The following BRWD1 variants were observed in gnomAD, a reference collection of about 807,000 sequenced individuals.
BRWD1 encodes bromodomain and WD repeat domain containing 1, also known as bromodomain and WD repeat-containing protein 1.
BRWD1 carries 82 observed loss-of-function variants against 251.2 expected under a neutral mutation model. That is an observed-to-expected ratio of 0.33 (90% CI 0.27 to 0.39). BRWD1 has a LOEUF of 0.39. Ranked by LOEUF, BRWD1 falls within the 10% of genes least tolerant of loss-of-function variation. BRWD1 has a pLI of 1.00. For synonymous variants in BRWD1, 918 were observed against 902.8 expected, an observed-to-expected ratio of 1.02 and a Z score of -0.30; for missense variants, 2,233 against 2,711.6, an observed-to-expected ratio of 0.82 and a Z score of 3.92.
chr21:39,269,027 A>G (rs1213505665), intron 15 of BRWD1, among the ~76,000 whole-genome samples: 1 of 152,040 alleles, frequency 6.6e-6, no homozygotes, highest in Non-Finnish European at 1.5e-5. Flanking sequence ...AGAAACCTAG[A>G]AAGATACAAC....
At chr21:39,277,558 T>G (rs1227294326) in intron 10 of BRWD1, among the ~76,000 whole-genome samples, 3 of 152,132 alleles carry the variant, frequency 2.0e-5, no homozygotes, top group African/African-American at 7.2e-5. Flanking sequence ...CTGGAAACAT[T>G]CACAATCTCC....
At chr21:39,205,212 G>A (rs1384203951) in intron 37 of BRWD1, among the ~76,000 whole-genome samples, 1 of 151,748 alleles carries the variant, frequency 6.6e-6, no homozygotes, top group African/African-American at 2.4e-5. Context: ...AGTGGCTCAC[G>A]CCTGTAATCC....
In BRWD1 at chr21:39,313,539, G is replaced by T; in HGVS notation, c.-48C>A. 7.6e-7 allele frequency: 1 copy of T among 1,314,786 alleles called. No homozygotes were observed. Among genetic ancestry groups the T allele is most frequent in the Non-Finnish European group, 9.6e-7 (1 of 1,038,790 alleles). 81.4% of individuals were successfully genotyped at this position (1,314,786 alleles called of 1,614,324 possible). A position where few individuals can be genotyped will look rare whatever the true frequency, so the allele number is the denominator to read the frequency against. On this transcript the variant is annotated 5_prime_UTR_variant, in exon 1 of 41. Coordinates refer to ENST00000342449, the MANE Select transcript of BRWD1 (RefSeq NM_033656.4). ...GGGAGCGAGCGAGCGAGCGGAGCGTGTAGGCCGCGCCGAGGCCTGACCGGG... is the reference window on the plus strand; with the variant it reads ...GGGAGCGAGCGAGCGAGCGGAGCGTTTAGGCCGCGCCGAGGCCTGACCGGG...
At chr21:39,278,533 T>C (rs1601445348) in intron 10 of BRWD1, 2 of 507,860 alleles carry the variant, frequency 3.9e-6, no homozygotes, top group East Asian at 6.2e-5. Flanking sequence ...CCATCTCTTA[T>C]ATCACTGATT....
Position 39,186,836 on chromosome 21 carries a change from TC to T in BRWD1, c.*9422del, listed in dbSNP as rs1601206244. On this transcript the variant is annotated 3_prime_UTR_variant, in exon 41 of 41. Coordinates refer to ENST00000342449, the MANE Select transcript of BRWD1 (RefSeq NM_033656.4). ...CCTACAGACTCTGCAATTTATTTCC[TC>T]CTCAGAATTCCCCAGAGCACATGTC... The T allele has an allele frequency of 1.1e-6, 1 of 918,052 alleles. No individual in the cohort carries two copies. Among genetic ancestry groups the T allele is most frequent in the African/African-American group, 1.7e-5 (1 of 57,290 alleles). 56.9% of individuals were successfully genotyped at this position (918,052 alleles called of 1,614,324 possible).
At chr21:39,276,718 C>T (rs1368324217) in intron 11 of BRWD1, among the ~76,000 whole-genome samples, 1 of 151,170 alleles carries the variant, frequency 6.6e-6, no homozygotes, top group Non-Finnish European at 1.5e-5. Context: ...TCTTACTATG[C>T]ATTATTAAAA....
chr21:39,240,686 A>G (rs1371843812), intron 21 of BRWD1, among the ~76,000 whole-genome samples: 1 of 152,246 alleles, frequency 6.6e-6, no homozygotes, highest in Non-Finnish European at 1.5e-5. Flanking sequence ...ATAACTCTTA[A>G]AACAAATAAG....
chr21:39,194,377 TCAC>T lies in BRWD1; in HGVS notation c.*1879_*1881del. ...AATAAATTAATGGATTTGACATCTA[TCAC>T]CAGTTTTTAAAATTAGCAAAGTAAA... On this transcript the variant is annotated 3_prime_UTR_variant, in exon 41 of 41. Transcript: ENST00000342449. 1 of 1,101,922 alleles carries T rather than the reference TCAC, an allele frequency of 9.1e-7. No individual in the cohort carries two copies. The highest frequency in any genetic ancestry group is 3.6e-5 in the South Asian group (1 of 27,828). The allele number at this position is 1,101,922 out of a possible 1,614,324, so 68.3% of individuals were successfully genotyped here. A position where few individuals can be genotyped will look rare whatever the true frequency, so the allele number is the denominator to read the frequency against.
Position 39,213,534 on chromosome 21 carries a change from T to C in BRWD1, c.3805A>G (p.Ile1269Val), listed in dbSNP as rs1468806667. The change falls in exon 33 of 41, where the codon ATC (isoleucine) becomes GTC (valine). Residue 1269 changes from isoleucine (I) to valine (V), a missense_variant. Physicochemically the swap from Ile to Val is conservative, Grantham distance 29. Coordinates refer to ENST00000342449, the MANE Select transcript of BRWD1 (RefSeq NM_033656.4). ...KFIKNQHCTN[I>V]SELSNTSEND... is the part of the protein sequence containing the mutation. The stretch of plus-strand genomic sequence containing the variant: ...TCAGATGTGTTAGAAAGTTCTGAGA[T>C]ATTTGTACAGTGTTGATTCCTAAAA... 8.1e-6 allele frequency: 13 copies of C among 1,611,678 alleles called. No homozygotes were observed. The Admixed American group carries it at 2.2e-4, about 27-fold the overall frequency.
chr21:39,246,794 C>G (rs916431329), intron 21 of BRWD1, among the ~76,000 whole-genome samples: 1 of 152,120 alleles, frequency 6.6e-6, no homozygotes, highest in Non-Finnish European at 1.5e-5. Context: ...ATTTTAAGAG[C>G]CCGTCCGGCT....
intron 8 of BRWD1, among the ~76,000 whole-genome samples, chr21:39,283,292 A>G (rs1159631349): frequency 2.0e-5 from 3 of 152,206 alleles, no homozygotes; most frequent in Non-Finnish European, 2.9e-5. Flanking sequence ...ATTTTATAGC[A>G]TAATCAGGAA....
rs934582496 is a variant in BRWD1 at position 39,274,314 on chromosome 21, A to C, written c.1244+60T>G. The C allele has an allele frequency of 2.3e-6, 3 of 1,289,226 alleles. No individual in the cohort carries two copies. The South Asian group carries it at 3.6e-5, about 15-fold the overall frequency. 79.9% of individuals were successfully genotyped at this position (1,289,226 alleles called of 1,614,324 possible). On this transcript the variant is annotated intron_variant, in intron 13 of 40. Transcript: ENST00000342449. ...GAGAGACACAGAGAGCGAGAGAGAG[A>C]GAGAGAGAGAGACAGATCGAACACC...
At chr21:39,309,899 T>G (rs2036421404) in intron 4 of BRWD1, among the ~76,000 whole-genome samples, 1 of 151,986 alleles carries the variant, frequency 6.6e-6, no homozygotes, top group Admixed American at 6.5e-5. Flanking sequence ...TATTGGCACT[T>G]GATGATATAA....
Position 39,280,243 on chromosome 21 carries a change from G to A in BRWD1, c.837C>T (p.Ser279=), listed in dbSNP as rs1368436611. 12 of 1,602,496 alleles carry A rather than the reference G, an allele frequency of 7.5e-6. No homozygotes were observed. The East Asian group carries it at 2.2e-4, about 30-fold the overall frequency. ...HTGSITSLQF[S]PMAKGSQRYM... is the part of the protein sequence containing the mutation. ...ATCTTTGAGAGCCTTTGGCCATCGG[G>A]CTAAACTAAAAAGTAAAACATATAC... is the stretch of plus-strand genomic sequence containing the variant. The change falls in exon 9 of 41, where the codon AGC becomes AGT. Residue 279 remains serine (S), a synonymous_variant. Coordinates refer to ENST00000342449, the MANE Select transcript of BRWD1 (RefSeq NM_033656.4).
upstream of BRWD1, chr21:39,314,773 C>T (rs2036662715): frequency 5.4e-6 from 1 of 185,098 alleles, no homozygotes; most frequent in Non-Finnish European, 1.2e-5. Flanking sequence ...GGGTCAGACT[C>T]TAGGGCAGGA....
Position 39,187,631 on chromosome 21 carries a change from A to C in BRWD1, c.*8628T>G. 1.0e-6 allele frequency: 1 copy of C among 985,388 alleles called. No individual in the cohort carries two copies. Among genetic ancestry groups the C allele is most frequent in the African/African-American group, 1.7e-5 (1 of 57,368 alleles). 61.0% of individuals were successfully genotyped at this position (985,388 alleles called of 1,614,324 possible). A position where few individuals can be genotyped will look rare whatever the true frequency, so the allele number is the denominator to read the frequency against. Reference sequence around the variant, plus strand: ...CAACTATAAGGATGTCACTTAAAACAGTAGCAGACTTGTAAGAATGGGGTG... The same window carrying C: ...CAACTATAAGGATGTCACTTAAAACCGTAGCAGACTTGTAAGAATGGGGTG... On this transcript the variant is annotated 3_prime_UTR_variant, in exon 41 of 41. Coordinates refer to ENST00000342449, the MANE Select transcript of BRWD1 (RefSeq NM_033656.4).
rs2033653754 is a variant in BRWD1, at chr21:39,232,493, C to T, written c.2772G>A (p.Leu924=). The change falls in exon 24 of 41, where the codon TTG becomes TTA. Residue 924 remains leucine (L), a synonymous_variant. Transcript: ENST00000342449. ...KKENKPKKEN[L]RRMTPAELAN... The stretch of plus-strand genomic sequence containing the variant: ...CAAGCTCTGCTGGAGTCATCCTCCG[C>T]AAATTCTACCAAGGGGAAGAGAACA... The T allele has an allele frequency of 1.3e-6, 2 of 1,586,482 alleles. No individual in the cohort carries two copies. Among genetic ancestry groups the T allele is most frequent in the Non-Finnish European group, 8.5e-7 (1 of 1,173,698 alleles).
In BRWD1 at chr21:39,187,062, T is replaced by TA. The variant is rs1455506786; in HGVS notation, c.*9196dup. The TA allele has an allele frequency of 5.7e-6, 9 of 1,588,428 alleles. No homozygotes were observed. Among genetic ancestry groups the TA allele is most frequent in the Non-Finnish European group, 7.7e-6 (9 of 1,172,348 alleles). ...TTTCTTTCCAGGATCTGAACCCCCT[T>TA]AAAAAAAGCATTTTTCTATTAATAT... On this transcript the variant is annotated 3_prime_UTR_variant, in exon 41 of 41. Transcript: ENST00000342449.
At chr21:39,219,687 T>C (rs1202384473) in intron 29 of BRWD1, 1 of 152,234 alleles carries the variant, frequency 6.6e-6, no homozygotes, top group Non-Finnish European at 1.5e-5. Context: ...ACAAGTTTTA[T>C]ATAGAGCATT....
Sources: gnomAD v4.1 joint callset for allele counts (sites outside exome capture counted in the v4.1 genomes callset) on GRCh38, gnomAD v4.1.1 for gene constraint, MANE v1.5 for transcripts, NCBI Gene and HGNC (gene_info 2026-07-23, HGNC 2026-07-21) for gene names.